SCML4: variants seen among roughly 807,000 people sequenced by gnomAD.
The protein encoded by SCML4 is Scm polycomb group protein like 4.
SCML4 carries 34 observed loss-of-function variants against 41.1 expected under a neutral mutation model. That is an observed-to-expected ratio of 0.83 (90% CI 0.63 to 1.10). The LOEUF (loss-of-function observed/expected upper bound fraction) is 1.10. Ranked by LOEUF, SCML4 falls within the 50% of genes least tolerant of loss-of-function variation. The pLI is 0.00. For missense variants in SCML4, 522 were observed against 534.1 expected (o/e 0.98, Z 0.22); for synonymous variants, 214 against 220.9 (o/e 0.97, Z 0.28).
chr6:107,799,978 T>G (rs1480045209), intron 1 of SCML4, among the ~76,000 whole-genome samples: 1 of 151,840 alleles, frequency 6.6e-6, no homozygotes, highest in African/African-American at 2.4e-5. Context: ...TTTTTTTTTT[T>G]CTAGTATTGA....
intron 1 of SCML4, among the ~76,000 whole-genome samples, chr6:107,793,379 C>A (rs971433804): frequency 1.3e-5 from 2 of 152,296 alleles, no homozygotes; most frequent in Non-Finnish European, 2.9e-5. Context: ...AGACAGGAAG[C>A]CCCTGCATGC....
chr6:107,751,182 G>T (rs1044339442), intron 2 of SCML4, among the ~76,000 whole-genome samples: 1 of 152,310 alleles, frequency 6.6e-6, no homozygotes, highest in African/African-American at 2.4e-5. Context: ...TGATATAGTA[G>T]ATTACATGTT....
chr6:107,826,887 C>T (rs971753658), upstream of SCML4, among the ~76,000 whole-genome samples: 320 of 149,624 alleles, frequency 2.1e-3, 1 homozygote, highest in Non-Finnish European at 3.8e-3. Context: ...CACGGTGAAA[C>T]CCCGTCTCTA....
chr6:107,726,727 G>A (rs1352027546), intron 5 of SCML4, among the ~76,000 whole-genome samples: 2 of 152,002 alleles, frequency 1.3e-5, no homozygotes, highest in Non-Finnish European at 2.9e-5. Context: ...CACCCACTAG[G>A]AAGGTGATAA....
rs779895279 is a variant in SCML4 at position 107,745,024 on chromosome 6, T to C, written c.607A>G (p.Ser203Gly). ...CAGCCCCTGGGGAAGGGCTGGTGGC[T>C]GAAGAGGTCATCGCACAGGAGGCTT... ...CRSLLCDDLFSHQPFPRGCSA... is the reference protein window; with the variant it reads ...CRSLLCDDLFGHQPFPRGCSA... The change falls in exon 5 of 8, where the codon AGC becomes GGC. Residue 203 changes from serine (S) to glycine (G), a missense_variant. Physicochemically the swap from Ser to Gly is moderately conservative, Grantham distance 56. Transcript: ENST00000369020. 1 of 1,614,144 alleles carries C rather than the reference T, an allele frequency of 6.2e-7. No homozygotes were observed. Among genetic ancestry groups the C allele is most frequent in the South Asian group, 1.1e-5 (1 of 91,074 alleles).
At chr6:107,838,442 A>G in the SCML4 span, among the ~76,000 whole-genome samples, 1 of 152,212 alleles carries the variant, frequency 6.6e-6, no homozygotes, top group Non-Finnish European at 1.5e-5. Flanking sequence ...CCGCATTGAC[A>G]GGCGCGTTGT....
In SCML4 at chr6:107,710,252, A is replaced by G. The variant is rs190216205; in HGVS notation, c.974-2241T>C. Reference sequence around the variant, plus strand: ...CTGACTTGGGCATTTAACAAGACACACTGTAGAATTCCCAGCCACAACTAG... The same window carrying G: ...CTGACTTGGGCATTTAACAAGACACGCTGTAGAATTCCCAGCCACAACTAG... On this transcript the variant is annotated intron_variant, in intron 6 of 7. Coordinates refer to ENST00000369020, the MANE Select transcript of SCML4 (RefSeq NM_198081.5). Among the ~76,000 whole-genome samples, 156 of 43,012 alleles carry G rather than the reference A, an allele frequency of 3.6e-3. 59 individuals are homozygous for G. The Middle Eastern group carries it at 0.08, about 22-fold the overall frequency. The allele number at this position is 43,012 out of a possible 152,430, so 28.2% of individuals were successfully genotyped here. A position where few individuals can be genotyped will look rare whatever the true frequency, so the allele number is the denominator to read the frequency against.
At chr6:107,730,898 G>T (rs1336076793) in intron 5 of SCML4, among the ~76,000 whole-genome samples, 4 of 152,210 alleles carry the variant, frequency 2.6e-5, no homozygotes, top group African/African-American at 9.7e-5. Context: ...CCGGTTTAGG[G>T]ATCAAAGCTT....
intron 1 of SCML4, among the ~76,000 whole-genome samples, chr6:107,778,343 A>C (rs1368794105): frequency 6.7e-6 from 1 of 148,644 alleles, no homozygotes; most frequent in East Asian, 1.9e-4. Context: ...ACTTCAGTGC[A>C]GTGAATACTA....
At chr6:107,780,198 A>G (rs73525433) in intron 1 of SCML4, among the ~76,000 whole-genome samples, 2 of 152,156 alleles carry the variant, frequency 1.3e-5, no homozygotes, top group Non-Finnish European at 2.9e-5. Flanking sequence ...AAATACATCA[A>G]TATAATAGAA....
chr6:107,754,272 T>C (rs1778927004), intron 2 of SCML4, among the ~76,000 whole-genome samples: 1 of 152,252 alleles, frequency 6.6e-6, no homozygotes, highest in South Asian at 2.1e-4. Flanking sequence ...GGACATATCC[T>C]GTAGGAATAC....
intron 1 of SCML4, among the ~76,000 whole-genome samples, chr6:107,798,536 A>G (rs1782876290): frequency 6.6e-6 from 1 of 151,516 alleles, no homozygotes; most frequent in South Asian, 2.1e-4. Context: ...TTATTTATTG[A>G]TCTGTTCAAA....
At chr6:107,721,671 C>G (rs1775432076) in intron 5 of SCML4, among the ~76,000 whole-genome samples, 1 of 152,198 alleles carries the variant, frequency 6.6e-6, no homozygotes, top group Non-Finnish European at 1.5e-5. Context: ...GCTCAGGACT[C>G]CTGGGAGAGA....
At chr6:107,829,782 A>G in the SCML4 span, among the ~76,000 whole-genome samples, 2 of 126,250 alleles carry the variant, frequency 1.6e-5, no homozygotes, top group Non-Finnish European at 3.7e-5. Flanking sequence ...ATAAATAAAT[A>G]TTGGTTCTAT....
intron 1 of SCML4, among the ~76,000 whole-genome samples, chr6:107,823,059 T>C (rs980138492): frequency 1.3e-5 from 2 of 151,872 alleles, no homozygotes; most frequent in African/African-American, 4.8e-5. Flanking sequence ...TCCCTCATTC[T>C]TCAAAAATGG....
At chr6:107,709,772 C>T (rs535083692) in intron 6 of SCML4, among the ~76,000 whole-genome samples, 2 of 152,008 alleles carry the variant, frequency 1.3e-5, no homozygotes, top group Non-Finnish European at 2.9e-5. Flanking sequence ...GTGCAGTGGC[C>T]TGATTTCTGC....
At chr6:107,735,342 G>A (rs1425649014) in intron 5 of SCML4, among the ~76,000 whole-genome samples, 1 of 152,184 alleles carries the variant, frequency 6.6e-6, no homozygotes, top group Non-Finnish European at 1.5e-5. Context: ...GCTCCACAAT[G>A]TTCCAGTCAT....
chr6:107,802,589 A>C lies in SCML4; in HGVS notation c.-60+21537T>G, dbSNP rs112052397. Among the ~76,000 whole-genome samples, 251 of 111,996 alleles carry C rather than the reference A, an allele frequency of 2.2e-3. 4 individuals carry two copies. Among genetic ancestry groups the C allele is most frequent in the African/African-American group, 0.011 (240 of 22,308 alleles). 73.5% of individuals were successfully genotyped at this position (111,996 alleles called of 152,430 possible). A position where few individuals can be genotyped will look rare whatever the true frequency, so the allele number is the denominator to read the frequency against. On this transcript the variant is annotated intron_variant, in intron 1 of 7. Coordinates refer to ENST00000369020, the MANE Select transcript of SCML4 (RefSeq NM_198081.5). ...GCTCGAGGGAGGGAGGGAGGAAGGAAGGAAGGAAGGAAGGAAGGAAGGAAG... is the reference window on the plus strand; with the variant it reads ...GCTCGAGGGAGGGAGGGAGGAAGGACGGAAGGAAGGAAGGAAGGAAGGAAG...
Position 107,746,684 on chromosome 6 carries a change from C to T in SCML4, c.487+5G>A. 1 of 1,613,374 alleles carries T rather than the reference C, an allele frequency of 6.2e-7. No homozygotes were observed. ...CCTCCTCATGCAACCTGCCCCAGGC[C>T]TTACCTGACACCATCTCACCACCAT... On this transcript the variant is annotated splice_donor_5th_base_variant and intron_variant, in intron 4 of 7. Coordinates refer to ENST00000369020, the MANE Select transcript of SCML4 (RefSeq NM_198081.5).
Sources: gnomAD v4.1 joint callset for allele counts (sites outside exome capture counted in the v4.1 genomes callset) on GRCh38, gnomAD v4.1.1 for gene constraint, MANE v1.5 for transcripts, NCBI Gene and HGNC (gene_info 2026-07-23, HGNC 2026-07-21) for gene names.